Variants in HDAC9 observed in about 807,000 individuals in gnomAD.
HDAC9 encodes the protein histone deacetylase 9.
A neutral mutation model predicts 139.4 loss-of-function variants in HDAC9; 41 were observed. The ratio of observed to expected loss-of-function variants is 0.29; its 90% CI spans 0.23 to 0.38. The LOEUF (loss-of-function observed/expected upper bound fraction) is 0.38. Among genes scored for constraint, HDAC9 ranks in the 10% least tolerant of loss-of-function variants. The probability of loss-of-function intolerance (pLI) is 1.00; values close to 1 mark genes in which losing one functional copy is unlikely to be tolerated. For missense variants in HDAC9, 1,147 were observed against 1,297.0 expected (o/e 0.88, Z 1.78); for synonymous variants, 517 against 476.2 (o/e 1.09, Z -1.12).
At chr7:18,678,900 T>C (rs1377459368) in intron 12 of HDAC9, among the ~76,000 whole-genome samples, 1 of 151,964 alleles carries the variant, frequency 6.6e-6, no homozygotes, top group African/African-American at 2.4e-5. Flanking sequence ...AAGTTTTGTT[T>C]GTGCAAGTCT....
rs948885374 is a variant in HDAC9 at position 18,997,207 on chromosome 7, T to A, written c.*1145T>A. The A allele has an allele frequency of 3.3e-5, 5 of 152,004 alleles. No individual in the cohort carries two copies. Among genetic ancestry groups the A allele is most frequent in the Non-Finnish European group, 7.4e-5 (5 of 68,010 alleles). 9.4% of individuals were successfully genotyped at this position (152,004 alleles called of 1,614,324 possible). On this transcript the variant is annotated 3_prime_UTR_variant, in exon 26 of 26. Transcript: ENST00000686413. Reference sequence around the variant, plus strand: ...ATGAATATCACTTAAGCAACGTTGCTAAATTTCTATGTGTTTGAAATGTGT... The same window carrying A: ...ATGAATATCACTTAAGCAACGTTGCAAAATTTCTATGTGTTTGAAATGTGT...
At chr7:18,456,280 A>C (rs987281476) in intron 1 of HDAC9, among the ~76,000 whole-genome samples, 25 of 152,312 alleles carry the variant, frequency 1.6e-4, no homozygotes, top group African/African-American at 5.8e-4. Context: ...TCTGTTGCCC[A>C]GGCTGGAGTG....
intron 25 of HDAC9, among the ~76,000 whole-genome samples, 165 bp downstream of exon 25, chr7:18,976,118 A>G (rs1485341465): frequency 1.3e-5 from 2 of 152,224 alleles, no homozygotes; most frequent in East Asian, 1.9e-4. Context: ...GCTATCGAGA[A>G]TTCATTGCTT....
intron 21 of HDAC9, among the ~76,000 whole-genome samples, chr7:18,861,357 A>C (rs1798094193): frequency 6.6e-6 from 1 of 152,188 alleles, no homozygotes; most frequent in Non-Finnish European, 1.5e-5. Flanking sequence ...TAACGAAAGC[A>C]AAATCTGTTA....
chr7:18,788,211 A>C (rs1000587412), intron 16 of HDAC9, among the ~76,000 whole-genome samples: 1 of 152,058 alleles, frequency 6.6e-6, no homozygotes, highest in African/African-American at 2.4e-5. Context: ...TTTGGCTCAC[A>C]TTGGTAATGG....
chr7:18,529,224 G>C lies in HDAC9; in HGVS notation c.22+32900G>C, dbSNP rs1808022727. Among the ~76,000 whole-genome samples the C allele has an allele frequency of 2.6e-5, 4 of 152,062 alleles. No homozygotes were observed. The South Asian group carries it at 8.3e-4, about 32-fold the overall frequency. On this transcript the variant is annotated intron_variant, in intron 2 of 25. Transcript: ENST00000686413. ...TTGAAAAATGGTCAAATGTCATCCA[G>C]ATAACCTTCCAAGGAAAGCTGCCTC...
chr7:18,425,119 G>A (rs1789994120), intron 1 of HDAC9, among the ~76,000 whole-genome samples: 1 of 152,038 alleles, frequency 6.6e-6, no homozygotes, highest in Non-Finnish European at 1.5e-5. Flanking sequence ...TCATAAAATA[G>A]CATGCAGCAA....
At chr7:18,468,607 C>A (rs1240860140) in intron 1 of HDAC9, among the ~76,000 whole-genome samples, 1 of 152,072 alleles carries the variant, frequency 6.6e-6, no homozygotes, top group Admixed American at 6.6e-5. Context: ...CTTGGCCCAG[C>A]TTAATTTTTT....
intron 2 of HDAC9, among the ~76,000 whole-genome samples, chr7:18,267,414 C>G (rs1355999948): frequency 6.6e-6 from 1 of 152,080 alleles, no homozygotes; most frequent in Non-Finnish European, 1.5e-5. Flanking sequence ...CTAACCGAAA[C>G]TTTATATCTT....
rs1283950743 is a variant in HDAC9 at position 19,001,358 on chromosome 7, G to C, written c.*5296G>C. 1 of 151,952 alleles carries C rather than the reference G, an allele frequency of 6.6e-6. No homozygotes were observed. The highest frequency in any genetic ancestry group is 2.4e-5 in the African/African-American group (1 of 41,394). The allele number at this position is 151,952 out of a possible 1,614,324, so 9.4% of individuals were successfully genotyped here. A position where few individuals can be genotyped will look rare whatever the true frequency, so the allele number is the denominator to read the frequency against. On this transcript the variant is annotated 3_prime_UTR_variant, in exon 26 of 26. Coordinates refer to ENST00000686413, the MANE Select transcript of HDAC9 (RefSeq NM_178425.4). Reference sequence around the variant, plus strand: ...TTTTGTTTGGGCCTTAGGCACAATAGAAGCAAATGTTGCAATATTAAATAT... The same window carrying C: ...TTTTGTTTGGGCCTTAGGCACAATACAAGCAAATGTTGCAATATTAAATAT...
At chr7:18,178,501 A>G (rs1789138758) in intron 2 of HDAC9, among the ~76,000 whole-genome samples, 1 of 152,282 alleles carries the variant, frequency 6.6e-6, no homozygotes, top group Admixed American at 6.5e-5. Context: ...GGAAGTTGCT[A>G]AGTTTGGCTC....
At chr7:18,126,593 G>A (rs954890947) in intron 1 of HDAC9, among the ~76,000 whole-genome samples, 2 of 152,158 alleles carry the variant, frequency 1.3e-5, no homozygotes, top group Admixed American at 6.5e-5. Flanking sequence ...ATATTGGTGA[G>A]CTCTCTCCTG....
At chr7:18,100,384 G>C (rs1782769344) in intron 1 of HDAC9, among the ~76,000 whole-genome samples, 1 of 152,004 alleles carries the variant, frequency 6.6e-6, no homozygotes, top group African/African-American at 2.4e-5. Context: ...TATTTCTTCA[G>C]AATTTTTTTA....
At chr7:18,968,619 G>A (rs940594099) in intron 24 of HDAC9, among the ~76,000 whole-genome samples, 1 of 152,122 alleles carries the variant, frequency 6.6e-6, no homozygotes. Context: ...AACCCAAATA[G>A]GGTCCAGTGG....
intron 1 of HDAC9, 80 bp from the exon 2 acceptor site, chr7:18,496,182 G>T: frequency 1.3e-6 from 2 of 1,514,386 alleles, no homozygotes; most frequent in Non-Finnish European, 1.8e-6. Context: ...GAGCAGTGAT[G>T]AATGTTTCAT....
intron 1 of HDAC9, among the ~76,000 whole-genome samples, chr7:18,108,319 G>T (rs193235373): frequency 6.6e-6 from 1 of 152,276 alleles, no homozygotes; most frequent in African/African-American, 2.4e-5. Flanking sequence ...AGCGTTCACT[G>T]TATATGGAGA....
At chr7:18,175,373 C>T (rs1356990713) in intron 2 of HDAC9, among the ~76,000 whole-genome samples, 1 of 152,218 alleles carries the variant, frequency 6.6e-6, no homozygotes, top group Admixed American at 6.5e-5. Context: ...TCATGGCTTC[C>T]CTTGGCTAGG....
intron 2 of HDAC9, among the ~76,000 whole-genome samples, chr7:18,209,191 A>C (rs553538808): frequency 6.6e-6 from 1 of 152,178 alleles, no homozygotes; most frequent in Non-Finnish European, 1.5e-5. Context: ...TGATTCAACA[A>C]AACTTTATTG....
rs1172237817 is a variant in HDAC9 at position 18,197,733 on chromosome 7, A to G, written c.25+35384A>G. On this transcript the variant is annotated intron_variant, in intron 2 of 12. Transcript: ENST00000417496. Reference sequence around the variant, plus strand: ...CCAGAATGTAAGCTCCATGAGGCCAACAATTTACTCAGTCCTTTTTCCCTA... The same window carrying G: ...CCAGAATGTAAGCTCCATGAGGCCAGCAATTTACTCAGTCCTTTTTCCCTA... 7.2e-5 allele frequency among the ~76,000 whole-genome samples: 11 copies of G among 152,214 alleles called. No homozygotes were observed. The South Asian group carries it at 1.9e-3, about 26-fold the overall frequency.
Sources: gnomAD v4.1 joint callset for allele counts (sites outside exome capture counted in the v4.1 genomes callset) on GRCh38, gnomAD v4.1.1 for gene constraint, MANE v1.5 for transcripts, NCBI Gene and HGNC (gene_info 2026-07-23, HGNC 2026-07-21) for gene names.